NUCKS1: variants seen among roughly 807,000 people sequenced by gnomAD.
NUCKS1 encodes nuclear ubiquitous casein and cyclin-dependent kinase substrate 1.
In NUCKS1, 2 loss-of-function variants were observed where a neutral mutation model predicts 33.0. The ratio of observed to expected loss-of-function variants is 0.06; its 90% CI spans 0.02 to 0.19. The LOEUF (loss-of-function observed/expected upper bound fraction) is 0.19, where lower values mean the gene tolerates loss of function less well. Ranked by LOEUF, NUCKS1 falls within the 10% of genes least tolerant of loss-of-function variation. The pLI is 1.00. For synonymous variants in NUCKS1, 106 were observed against 102.8 expected, an observed-to-expected ratio of 1.03 and a Z score of -0.19; for missense variants, 201 against 293.6, an observed-to-expected ratio of 0.68 and a Z score of 2.31.
At chr1:205,730,564 C>G (rs1653884912) in intron 1 of NUCKS1, among the ~76,000 whole-genome samples, 1 of 151,834 alleles carries the variant, frequency 6.6e-6, no homozygotes, top group Non-Finnish European at 1.5e-5. Context: ...TCTTGGCTCA[C>G]TGCAACCTCT....
chr1:205,735,161 G>A (rs1654005747), intron 1 of NUCKS1, among the ~76,000 whole-genome samples: 1 of 152,148 alleles, frequency 6.6e-6, no homozygotes, highest in South Asian at 2.1e-4. Context: ...ATACAATCAT[G>A]TGCTGCATGA....
chr1:205,749,625 C>T (rs1295123180), intron 1 of NUCKS1, among the ~76,000 whole-genome samples: 3 of 152,070 alleles, frequency 2.0e-5, no homozygotes, highest in Non-Finnish European at 4.4e-5. Flanking sequence ...GGTGGGGCCT[C>T]TTGGGGGCGC....
In NUCKS1 at chr1:205,717,186, C is replaced by T. The variant is rs1671837830; in HGVS notation, c.*1094G>A. ...TATGAAAAAGAAAATGTTCTATCCC[C>T]AAATAAAAGCAGAGCATGGTTAATG... is the stretch of plus-strand genomic sequence containing the variant. On this transcript the variant is annotated 3_prime_UTR_variant, in exon 7 of 7. Coordinates refer to ENST00000367142, the MANE Select transcript of NUCKS1 (RefSeq NM_022731.5). 2.5e-6 allele frequency: 1 copy of T among 394,548 alleles called. No homozygotes were observed. Among genetic ancestry groups the T allele is most frequent in the Non-Finnish European group, 3.5e-6 (1 of 289,520 alleles). The allele number at this position is 394,548 out of a possible 1,614,324, so 24.4% of individuals were successfully genotyped here. A position where few individuals can be genotyped will look rare whatever the true frequency, so the allele number is the denominator to read the frequency against.
At chr1:205,737,870 G>A (rs1654068299) in intron 1 of NUCKS1, among the ~76,000 whole-genome samples, 1 of 152,092 alleles carries the variant, frequency 6.6e-6, no homozygotes, top group Admixed American at 6.6e-5. Flanking sequence ...GTCAAAATAG[G>A]TTTTCTAAAG....
intron 1 of NUCKS1, among the ~76,000 whole-genome samples, chr1:205,741,453 A>C (rs1208142351): frequency 6.6e-6 from 1 of 152,144 alleles, no homozygotes; most frequent in Non-Finnish European, 1.5e-5. Flanking sequence ...GGGGACAGAG[A>C]AACCTCTAAT....
In NUCKS1 at chr1:205,713,235, CAAAAA is replaced by C. The variant is rs995932158; in HGVS notation, c.*5040_*5044del. Reference sequence around the variant, plus strand: ...TTTATAAAGCCATTTTTAAACAAAACAAAAAAAAAGTTTACAAAAGAAAAAAAGAT... The same window carrying C: ...TTTATAAAGCCATTTTTAAACAAAACAAAAGTTTACAAAAGAAAAAAAGAT... On this transcript the variant is annotated 3_prime_UTR_variant, in exon 7 of 7. Coordinates refer to ENST00000367142, the MANE Select transcript of NUCKS1 (RefSeq NM_022731.5). 1 of 147,352 alleles carries C rather than the reference CAAAAA, an allele frequency of 6.8e-6. No homozygotes were observed. Among genetic ancestry groups the C allele is most frequent in the African/African-American group, 2.5e-5 (1 of 40,040 alleles). 9.1% of individuals were successfully genotyped at this position (147,352 alleles called of 1,614,324 possible). A position where few individuals can be genotyped will look rare whatever the true frequency, so the allele number is the denominator to read the frequency against.
chr1:205,718,210 T>C lies in NUCKS1; in HGVS notation c.*70A>G, dbSNP rs1671860310. 4.6e-6 allele frequency: 7 copies of C among 1,513,684 alleles called. No homozygotes were observed. In the South Asian group the frequency reaches 8.3e-5, roughly 18 times the overall value. The allele number at this position is 1,513,684 out of a possible 1,614,324, so 93.8% of individuals were successfully genotyped here. On this transcript the variant is annotated 3_prime_UTR_variant, in exon 7 of 7. Coordinates refer to ENST00000367142, the MANE Select transcript of NUCKS1 (RefSeq NM_022731.5). ...GTTCTATCTTAAGTAGGTTCTTTTT[T>C]TTCCTCCCTCTTTTTTCTTTTTTTT...
chr1:205,729,713 G>A lies in NUCKS1; in HGVS notation c.18-92C>T, dbSNP rs530453924. 877 of 948,556 alleles carry A rather than the reference G, an allele frequency of 9.2e-4. 1 individual carries two copies. The highest frequency in any genetic ancestry group is 1.2e-3 in the Non-Finnish European group (699 of 590,814). 58.8% of individuals were successfully genotyped at this position (948,556 alleles called of 1,614,324 possible). On this transcript the variant is annotated intron_variant, in intron 1 of 6. Transcript: ENST00000367142. Reference sequence around the variant, plus strand: ...ACATTTCTCTTTCATAAACAGAACTGAACTAGCACTTTGAAAATTATTTAA... The same window carrying A: ...ACATTTCTCTTTCATAAACAGAACTAAACTAGCACTTTGAAAATTATTTAA...
rs2102426106 is a variant in NUCKS1, at chr1:205,714,742, G to A, written c.*3538C>T. The A allele has an allele frequency of 6.6e-6, 1 of 152,224 alleles. No individual in the cohort carries two copies. The highest frequency in any genetic ancestry group is 1.9e-4 in the East Asian group (1 of 5,188). 9.4% of individuals were successfully genotyped at this position (152,224 alleles called of 1,614,324 possible). ...TTACATTTTCCCTATCCTATGGCAGGAAATGCGTATTACTTCTGTTCTGTT... is the reference window on the plus strand; with the variant it reads ...TTACATTTTCCCTATCCTATGGCAGAAAATGCGTATTACTTCTGTTCTGTT... On this transcript the variant is annotated 3_prime_UTR_variant, in exon 7 of 7. Transcript: ENST00000367142.
chr1:205,721,676 C>CT (rs202035796), intron 4 of NUCKS1, among the ~76,000 whole-genome samples: 286 of 143,452 alleles, frequency 2.0e-3, no homozygotes, highest in African/African-American at 4.1e-3. Flanking sequence ...TGTGGAAAAC[C>CT]TTTTTTTTTT....
chr1:205,728,420 G>C (rs1191940683), intron 2 of NUCKS1, among the ~76,000 whole-genome samples: 1 of 151,942 alleles, frequency 6.6e-6, no homozygotes, highest in Non-Finnish European at 1.5e-5. Flanking sequence ...ATTCCATTAT[G>C]GGATATTATA....
At chr1:205,741,612 T>C (rs1408291346) in intron 1 of NUCKS1, among the ~76,000 whole-genome samples, 2 of 152,086 alleles carry the variant, frequency 1.3e-5, no homozygotes, top group African/African-American at 4.8e-5. Context: ...CTGAATACAA[T>C]GAAGGACAAG....
chr1:205,744,649 T>TTTTTTTA (rs1654269958), intron 1 of NUCKS1, among the ~76,000 whole-genome samples: 3 of 148,320 alleles, frequency 2.0e-5, no homozygotes, highest in Non-Finnish European at 3.0e-5. Flanking sequence ...TTTTTTTTTT[T>TTTTTTTA]GAGACGGAGT....
chr1:205,731,663 G>A (rs1046848407), intron 1 of NUCKS1, among the ~76,000 whole-genome samples: 1 of 152,048 alleles, frequency 6.6e-6, no homozygotes, highest in African/African-American at 2.4e-5. Flanking sequence ...AGGCCGAGGC[G>A]GGCAGATCAC....
chr1:205,713,389 G>A lies in NUCKS1; in HGVS notation c.*4891C>T, dbSNP rs1297221764. ...TTTTTAATACAAAATACAAGCAAAG[G>A]ATACACATACTTAAAACAGAGCTCA... On this transcript the variant is annotated 3_prime_UTR_variant, in exon 7 of 7. Transcript: ENST00000367142. The A allele has an allele frequency of 6.6e-6, 1 of 151,912 alleles. No individual in the cohort carries two copies. The highest frequency in any genetic ancestry group is 1.5e-5 in the Non-Finnish European group (1 of 67,986). The allele number at this position is 151,912 out of a possible 1,614,324, so 9.4% of individuals were successfully genotyped here.
chr1:205,729,520 TA>T, intron 2 of NUCKS1, 51 bp downstream of exon 2: 1 of 1,187,406 alleles, frequency 8.4e-7, no homozygotes, highest in Non-Finnish European at 1.3e-6. Context: ...TATAAGCTGG[TA>T]ACCTCCACTG....
At chr1:205,737,153 G>A (rs1337051667) in intron 1 of NUCKS1, among the ~76,000 whole-genome samples, 1 of 152,148 alleles carries the variant, frequency 6.6e-6, no homozygotes, top group Non-Finnish European at 1.5e-5. Flanking sequence ...ATTATAAAAA[G>A]ATGGGGAATG....
At chr1:205,730,775 G>A (rs866977363) in intron 1 of NUCKS1, among the ~76,000 whole-genome samples, 2 of 152,252 alleles carry the variant, frequency 1.3e-5, no homozygotes, top group Middle Eastern at 3.4e-3. Context: ...GAGCCACCGT[G>A]CCCGGTCTCA....
Position 205,720,539 on chromosome 1 carries a change from T to A in NUCKS1, c.344A>T (p.Glu115Val). 1.2e-6 allele frequency: 2 copies of A among 1,614,148 alleles called. No homozygotes were observed. Among genetic ancestry groups the A allele is most frequent in the Non-Finnish European group, 1.7e-6 (2 of 1,180,012 alleles). The change falls in exon 5 of 7, where the codon GAA becomes GTA. Residue 115 changes from glutamate to valine, a missense_variant. Physicochemically the swap from Glu to Val is moderately radical, Grantham distance 121. Coordinates refer to ENST00000367142, the MANE Select transcript of NUCKS1 (RefSeq NM_022731.5). ...TGCCTCATCCTCCTCTTCTTGTTCT[T>A]CCTCACTGCCCACATCTTCCATGAG... ...EMLMEDVGSEEEQEEEDEAPF... is the reference protein window; with the variant it reads ...EMLMEDVGSEVEQEEEDEAPF...
Sources: gnomAD v4.1 joint callset for allele counts (sites outside exome capture counted in the v4.1 genomes callset) on GRCh38, gnomAD v4.1.1 for gene constraint, MANE v1.5 for transcripts, NCBI Gene and HGNC (gene_info 2026-07-23, HGNC 2026-07-21) for gene names.